The following ANAPC10 variants were observed in gnomAD, a reference collection of about 807,000 sequenced individuals.
ANAPC10 encodes anaphase promoting complex subunit 10.
ANAPC10 carries 12 observed loss-of-function variants against 22.0 expected under a neutral mutation model. That is an observed-to-expected ratio of 0.55 (90% CI 0.35 to 0.88). The LOEUF (loss-of-function observed/expected upper bound fraction) is 0.88, where lower values mean the gene tolerates loss of function less well. Ranked by LOEUF, ANAPC10 falls within the 40% of genes least tolerant of loss-of-function variation. The pLI is 0.01. For synonymous variants in ANAPC10, 65 were observed against 69.5 expected (o/e 0.94, Z 0.32); for missense variants, 188 against 220.9 (o/e 0.85, Z 0.94).
chr4:145,092,233 A>G (rs1242406366), intron 2 of ANAPC10, among the ~76,000 whole-genome samples: 1 of 152,184 alleles, frequency 6.6e-6, no homozygotes, highest in Non-Finnish European at 1.5e-5. Context: ...TACTTATGTG[A>G]TAAGTTGATA....
chr4:145,096,138 T>C (rs980688735), intron 1 of ANAPC10, 27 bp from the exon 2 acceptor site: 13 of 1,603,682 alleles, frequency 8.1e-6, no homozygotes, highest in Non-Finnish European at 1.0e-5. Flanking sequence ...AATGCACACA[T>C]TGTATCAGGA....
intron 4 of ANAPC10, among the ~76,000 whole-genome samples, chr4:145,008,119 T>C (rs2126898684): frequency 6.6e-6 from 1 of 152,084 alleles, no homozygotes; most frequent in Admixed American, 6.5e-5. Context: ...ACATACACCC[T>C]CCCAAGACTA....
chr4:145,086,683 C>T (rs919043122), intron 2 of ANAPC10, among the ~76,000 whole-genome samples: 19 of 152,084 alleles, frequency 1.2e-4, no homozygotes, highest in African/African-American at 4.3e-4. Context: ...CAGGGGATGT[C>T]CAGTGCATTG....
intron 4 of ANAPC10, among the ~76,000 whole-genome samples, chr4:145,006,036 T>C (rs1733294171): frequency 6.6e-6 from 1 of 152,142 alleles, no homozygotes; most frequent in African/African-American, 2.4e-5. Flanking sequence ...AATGATCTAA[T>C]ACTAACAGTG....
chr4:145,076,292 A>G (rs1745187236), intron 3 of ANAPC10, among the ~76,000 whole-genome samples: 1 of 152,202 alleles, frequency 6.6e-6, no homozygotes, highest in South Asian at 2.1e-4. Context: ...GTCTGTTCAA[A>G]GGCCCTCTGG....
intron 4 of ANAPC10, among the ~76,000 whole-genome samples, chr4:145,061,874 G>A (rs1742945326): frequency 6.6e-6 from 1 of 152,094 alleles, no homozygotes; most frequent in South Asian, 2.1e-4. Context: ...TTGGGAGGCC[G>A]AGGTGGATAG....
At chr4:145,048,330 T>C (rs1304550129) in intron 4 of ANAPC10, among the ~76,000 whole-genome samples, 1 of 152,092 alleles carries the variant, frequency 6.6e-6, no homozygotes, top group Non-Finnish European at 1.5e-5. Context: ...AAATATGCCA[T>C]AATATGACAA....
chr4:145,055,065 G>A (rs1741848158), intron 4 of ANAPC10, among the ~76,000 whole-genome samples: 1 of 152,038 alleles, frequency 6.6e-6, no homozygotes. Flanking sequence ...GAACTAACTT[G>A]TAATCCAGAA....
rs538102688 is a variant in ANAPC10 at position 145,025,310 on chromosome 4, G to A, written c.328-29707C>T. Among the ~76,000 whole-genome samples the A allele has an allele frequency of 2.0e-3, 299 of 149,430 alleles. 1 individual carries two copies. Among genetic ancestry groups the A allele is most frequent in the Admixed American group, 4.8e-3 (72 of 14,862 alleles). On this transcript the variant is annotated intron_variant, in intron 4 of 4. Transcript: ENST00000507656. ...CCATTAGAACAAGAGGTTAGCTTTT[G>A]GCCTATTTTGGCTTTCAACACGCCC...
intron 4 of ANAPC10, among the ~76,000 whole-genome samples, chr4:145,020,363 G>T (rs1277201891): frequency 6.6e-6 from 1 of 152,076 alleles, no homozygotes; most frequent in Non-Finnish European, 1.5e-5. Context: ...TGCAGAAAAA[G>T]CATTTGACAA....
intron 4 of ANAPC10, among the ~76,000 whole-genome samples, chr4:145,011,205 GC>G (rs922659717): frequency 3.3e-5 from 5 of 151,818 alleles, no homozygotes; most frequent in Non-Finnish European, 7.4e-5. Context: ...GGTGGTGCAT[GC>G]CTGTAATCCT....
chr4:145,056,753 C>T (rs1234835982), intron 4 of ANAPC10, among the ~76,000 whole-genome samples: 1 of 152,148 alleles, frequency 6.6e-6, no homozygotes, highest in African/African-American at 2.4e-5. Context: ...AAATGCTCAC[C>T]CCTGCTCTGA....
chr4:145,020,034 G>A (rs1735753029), intron 4 of ANAPC10, among the ~76,000 whole-genome samples: 2 of 151,998 alleles, frequency 1.3e-5, no homozygotes, highest in South Asian at 4.2e-4. Flanking sequence ...CGATCCTACT[G>A]ACACTATTCC....
intron 4 of ANAPC10, among the ~76,000 whole-genome samples, chr4:145,051,701 A>AAC (rs774068906): frequency 7.9e-5 from 12 of 152,198 alleles, no homozygotes; most frequent in Admixed American, 1.3e-4. Context: ...GGAATAAGCC[A>AAC]ACAGCCACAT....
intron 2 of ANAPC10, among the ~76,000 whole-genome samples, chr4:145,090,590 T>C (rs1039019462): frequency 1.3e-5 from 2 of 152,212 alleles, no homozygotes; most frequent in African/African-American, 4.8e-5. Flanking sequence ...TGTCTTGAAT[T>C]CCAGAATTTC....
At chr4:145,054,451 G>C (rs886594417) in intron 4 of ANAPC10, among the ~76,000 whole-genome samples, 1 of 151,162 alleles carries the variant, frequency 6.6e-6, no homozygotes, top group Non-Finnish European at 1.5e-5. Context: ...CCAGCTACTT[G>C]GGAGGCTGAG....
chr4:145,058,848 T>C (rs1317643918), intron 4 of ANAPC10, among the ~76,000 whole-genome samples: 2 of 152,072 alleles, frequency 1.3e-5, no homozygotes, highest in African/African-American at 2.4e-5. Context: ...TAAATAAAAG[T>C]TTTCAAAAAT....
intron 4 of ANAPC10, among the ~76,000 whole-genome samples, chr4:145,040,003 A>G (rs1481330900): frequency 6.6e-6 from 1 of 152,176 alleles, no homozygotes; most frequent in Non-Finnish European, 1.5e-5. Context: ...AGATGACTCC[A>G]AAGCCCATGC....
intron 2 of ANAPC10, among the ~76,000 whole-genome samples, chr4:145,092,754 C>T (rs930431860): frequency 5.9e-5 from 9 of 152,116 alleles, no homozygotes; most frequent in African/African-American, 2.2e-4. Context: ...AACGTTCTAC[C>T]CTCCTTCCAA....
Sources: gnomAD v4.1 joint callset for allele counts (sites outside exome capture counted in the v4.1 genomes callset) on GRCh38, gnomAD v4.1.1 for gene constraint, MANE v1.5 for transcripts, NCBI Gene and HGNC (gene_info 2026-07-23, HGNC 2026-07-21) for gene names.